The following SPATA6 variants were observed in gnomAD, a reference collection of about 807,000 sequenced individuals.
SPATA6 encodes spermatogenesis associated 6, also known as spermatogenesis-associated protein 6.
A neutral mutation model predicts 65.3 loss-of-function variants in SPATA6; 56 were observed. The observed-to-expected ratio is 0.86, with a 90% confidence interval of 0.69 to 1.07. The LOEUF is 1.07. Ranked by LOEUF, SPATA6 falls within the 50% of genes least tolerant of loss-of-function variation. The pLI, the probability that SPATA6 is intolerant of heterozygous loss-of-function variation, is 0.00. For synonymous variants in SPATA6, 199 were observed against 213.2 expected (o/e 0.93, Z 0.58); for missense variants, 590 against 594.8 (o/e 0.99, Z 0.08).
At chr1:48,312,939 G>C (rs1645268294) in intron 11 of SPATA6, among the ~76,000 whole-genome samples, 1 of 152,128 alleles carries the variant, frequency 6.6e-6, no homozygotes, top group Non-Finnish European at 1.5e-5. Context: ...CTGTAAGAAA[G>C]GGCATCAGTG....
the SPATA6 span, among the ~76,000 whole-genome samples, chr1:48,277,967 A>G: frequency 3.3e-5 from 5 of 152,062 alleles, no homozygotes; most frequent in African/African-American, 1.2e-4. Flanking sequence ...ATGGCCAGGT[A>G]CTCCTCTGAC....
At chr1:48,340,827 C>T (rs1314396056) in intron 11 of SPATA6, among the ~76,000 whole-genome samples, 1 of 151,978 alleles carries the variant, frequency 6.6e-6, no homozygotes, top group Non-Finnish European at 1.5e-5. Flanking sequence ...AAAAGAAATA[C>T]CAAGCAACAT....
At chr1:48,359,249 T>C (rs965275504) in intron 10 of SPATA6, among the ~76,000 whole-genome samples, 5 of 152,282 alleles carry the variant, frequency 3.3e-5, no homozygotes, top group Admixed American at 2.6e-4. Flanking sequence ...ATATAATCTG[T>C]GTTGTGTTTA....
chr1:48,445,817 A>G (rs1452470993), intron 3 of SPATA6, among the ~76,000 whole-genome samples: 1 of 152,012 alleles, frequency 6.6e-6, no homozygotes, highest in Non-Finnish European at 1.5e-5. Context: ...TGGAACACAG[A>G]CCTCTTATTT....
intron 9 of SPATA6, among the ~76,000 whole-genome samples, chr1:48,365,812 C>A (rs1358206612): frequency 6.6e-6 from 1 of 152,130 alleles, no homozygotes. Flanking sequence ...TTGCCCTGGC[C>A]AGAACTTCCA....
In SPATA6 at chr1:48,374,321, AAAG is replaced by A. The variant is rs1309591098; in HGVS notation, c.909+10985_909+10987del. ...AAAAATGTAATTTTATAAAAAAAAA[AAAG>A]AAGTCCATTCACAATAGGAACAAGC... On this transcript the variant is annotated intron_variant, in intron 9 of 12. Transcript: ENST00000371847. 5.9e-5 allele frequency among the ~76,000 whole-genome samples: 9 copies of A among 152,274 alleles called. 1 individual carries two copies. The South Asian group carries it at 1.2e-3, about 21-fold the overall frequency.
intron 8 of SPATA6, among the ~76,000 whole-genome samples, chr1:48,394,373 G>A (rs1303885412): frequency 6.6e-6 from 1 of 152,068 alleles, no homozygotes; most frequent in Non-Finnish European, 1.5e-5. Context: ...TTACTTTACA[G>A]TGGCTTGTTC....
intron 3 of SPATA6, chr1:48,437,079 G>C (rs1655006454): frequency 1.3e-6 from 2 of 1,598,460 alleles, no homozygotes; most frequent in South Asian, 1.1e-5. Context: ...TCTTCAAACA[G>C]ATGAAAGAAG....
At chr1:48,445,721 A>G (rs1385483799) in intron 3 of SPATA6, among the ~76,000 whole-genome samples, 1 of 151,438 alleles carries the variant, frequency 6.6e-6, no homozygotes, top group African/African-American at 2.4e-5. Context: ...GAAAGGTAGA[A>G]CATGTGTACA....
chr1:48,464,250 T>C (rs2148194548), intron 1 of SPATA6, among the ~76,000 whole-genome samples: 1 of 152,246 alleles, frequency 6.6e-6, no homozygotes, highest in Non-Finnish European at 1.5e-5. Flanking sequence ...ATACCTACTT[T>C]GTTATCCCTA....
At chr1:48,463,227 T>C (rs1233546090) in intron 1 of SPATA6, among the ~76,000 whole-genome samples, 1 of 152,164 alleles carries the variant, frequency 6.6e-6, no homozygotes, top group African/African-American at 2.4e-5. Context: ...TAAATAACTA[T>C]ATAGTATATC....
At chr1:48,403,201 A>T (rs1274008746) in intron 6 of SPATA6, among the ~76,000 whole-genome samples, 1 of 152,088 alleles carries the variant, frequency 6.6e-6, no homozygotes, top group Non-Finnish European at 1.5e-5. Flanking sequence ...GAAGTCAGAC[A>T]AATGGAGTAT....
At chr1:48,341,185 C>A (rs1646205190) in intron 11 of SPATA6, among the ~76,000 whole-genome samples, 1 of 152,162 alleles carries the variant, frequency 6.6e-6, no homozygotes, top group African/African-American at 2.4e-5. Context: ...GATGAAGAGA[C>A]AACTCCCTTA....
chr1:48,280,729 T>G, the SPATA6 span, among the ~76,000 whole-genome samples: 1 of 152,166 alleles, frequency 6.6e-6, no homozygotes, highest in Non-Finnish European at 1.5e-5. Context: ...ACCAGATGGA[T>G]TCACAGCCGA....
intron 5 of SPATA6, among the ~76,000 whole-genome samples, chr1:48,408,683 G>T (rs559404303): frequency 6.6e-6 from 1 of 152,170 alleles, no homozygotes; most frequent in African/African-American, 2.4e-5. Flanking sequence ...AAAGAAAGAG[G>T]TTTACTGGAC....
At chr1:48,355,914 C>T (rs994651579) in intron 10 of SPATA6, 145 bp from the exon 11 acceptor site, 11 of 524,804 alleles carry the variant, frequency 2.1e-5, no homozygotes, top group Non-Finnish European at 3.4e-5. Flanking sequence ...TATATCTGAC[C>T]ATTTTAATGA....
At chr1:48,385,216 A>T in intron 9 of SPATA6, 93 bp downstream of exon 9, 1 of 1,068,738 alleles carries the variant, frequency 9.4e-7, no homozygotes, top group Non-Finnish European at 1.3e-6. Flanking sequence ...AATGAATTTG[A>T]TAATCCCTAT....
intron 9 of SPATA6, among the ~76,000 whole-genome samples, chr1:48,379,729 C>T (rs550191157): frequency 2.6e-5 from 4 of 152,228 alleles, no homozygotes; most frequent in Non-Finnish European, 4.4e-5. Flanking sequence ...TTGCATATAT[C>T]TTATGCTCTT....
intron 1 of SPATA6, among the ~76,000 whole-genome samples, chr1:48,458,752 C>T (rs527428082): frequency 1.2e-4 from 18 of 152,160 alleles, no homozygotes; most frequent in African/African-American, 2.4e-4. Flanking sequence ...TCTACAGATA[C>T]GGGAATTAGA....
Sources: allele counts gnomAD v4.1 joint callset (sites outside exome capture counted in the v4.1 genomes callset), GRCh38; gene constraint gnomAD v4.1.1; transcripts MANE v1.5; gene names NCBI Gene and HGNC (gene_info 2026-07-23, HGNC 2026-07-21).